CMA1: variants seen among roughly 807,000 people sequenced by gnomAD.
CMA1 encodes chymase 1, also known as chymase.
A neutral mutation model predicts 18.8 loss-of-function variants in CMA1; 24 were observed. The observed-to-expected ratio is 1.28, with a 90% CI of 0.92 to 1.80. The LOEUF (loss-of-function observed/expected upper bound fraction) is 1.80. Among genes scored for constraint, CMA1 ranks in the 40% most tolerant of loss-of-function variants. The pLI is 0.00. For synonymous variants in CMA1, 152 were observed against 117.0 expected, an observed-to-expected ratio of 1.30 and a Z score of -1.93; for missense variants, 421 against 302.8, an observed-to-expected ratio of 1.39 and a Z score of -2.90.
At chr14:24,508,018 G>A (rs2043873585) in intron 1 of CMA1, 160 bp downstream of exon 1, 4 of 641,124 alleles carry the variant, frequency 6.2e-6, no homozygotes, top group East Asian at 2.8e-5. Context: ...GTGGGTGGGG[G>A]TGGGGGTGGG....
Position 24,505,525 on chromosome 14 carries a change from C to T in CMA1, c.735G>A (p.Gln245=), listed in dbSNP as rs764456752. 3.7e-6 allele frequency: 6 copies of T among 1,613,964 alleles called. No homozygotes were observed. The African/African-American group carries it at 8.0e-5, about 22-fold the overall frequency. The change falls in exon 5 of 5, where the codon CAG becomes CAA. Residue 245 remains glutamine (Q), a synonymous_variant. Transcript: ENST00000250378. ...HYRPWINQIL[Q]AN ...GGCTCAGGATCCAGGATTAATTTGC[C>T]TGCAGGATCTGGTTGATCCAGGGCC...
At position 24,508,182 on chromosome 14, in the gene CMA1, T is replaced by C; in HGVS notation, c.54A>G (p.Glu18=). The part of the protein sequence containing the change: ...LLLFLLCSRA[E]AGEIIGGTEC... ...GGGAAGAACCCTGATACTCACCAGC[T>C]TCAGCTCTGGAGCACAAGAGAAAGA... is the stretch of plus-strand genomic sequence containing the variant. Residue 18 remains glutamate, a synonymous_variant, in exon 1 of 5, where the codon GAA becomes GAG. Transcript: ENST00000250378. 6.2e-7 allele frequency: 1 copy of C among 1,613,722 alleles called. No homozygotes were observed. The highest frequency in any genetic ancestry group is 1.1e-5 in the South Asian group (1 of 90,968).
In CMA1 at chr14:24,507,349, G is replaced by A; in HGVS notation, c.209+7C>T. The A allele has an allele frequency of 6.2e-7, 1 of 1,614,034 alleles. No individual in the cohort carries two copies. ...CATTTGGAGATAAATAGACCCTGTTGTCTCACCTTCCTGCACAATGAGCAG... is the reference window on the plus strand; with the variant it reads ...CATTTGGAGATAAATAGACCCTGTTATCTCACCTTCCTGCACAATGAGCAG... On this transcript the variant is annotated splice_region_variant and intron_variant, in intron 2 of 4. Transcript: ENST00000250378.
chr14:24,506,534 T>A lies in CMA1; in HGVS notation c.280A>T (p.Ile94Leu). The A allele has an allele frequency of 3.7e-6, 6 of 1,614,172 alleles. No homozygotes were observed. The highest frequency in any genetic ancestry group is 5.1e-6 in the Non-Finnish European group (6 of 1,179,988). The stretch of plus-strand genomic sequence containing the variant: ...TATTTTGGATGACGGAATTGCTTTA[T>A]AACCTCAAGCTTCTGCCATGTGTCT... ...EEDTWQKLEV[I>L]KQFRHPKYNT... The change falls in exon 3 of 5, where the codon ATA becomes TTA. Residue 94 changes from isoleucine to leucine, a missense_variant. Transcript: ENST00000250378.
At chr14:24,507,262 G>A (rs1594787163) in intron 2 of CMA1, 94 bp downstream of exon 2, 2 of 1,451,068 alleles carry the variant, frequency 1.4e-6, no homozygotes, top group East Asian at 4.6e-5. Context: ...CAAGACCCAG[G>A]ACCCCCTCTT....
At position 24,506,132 on chromosome 14, in the gene CMA1, T is replaced by C. The variant is rs370354279; in HGVS notation, c.496A>G (p.Lys166Glu). The C allele has an allele frequency of 1.9e-6, 3 of 1,614,070 alleles. No homozygotes were observed. Among genetic ancestry groups the C allele is most frequent in the Middle Eastern group, 3.3e-4 (2 of 6,084 alleles). ...GCCTGGGGATCCATGAGTCTCAGCT[T>C]CACCTCTTGCAGAGTGTCTGAGCCC... ...KPGSDTLQEV[K>E]LRLMDPQACS... Residue 166 changes from lysine to glutamate, a missense_variant, in exon 4 of 5, where the codon AAG (lysine) becomes GAG (glutamate). Physicochemically the swap from Lys to Glu is moderately conservative, Grantham distance 56. Transcript: ENST00000250378.
chr14:24,507,425 G>A lies in CMA1; in HGVS notation c.140C>T (p.Pro47Leu). 3 of 1,614,138 alleles carry A rather than the reference G, an allele frequency of 1.9e-6. No homozygotes were observed. Among genetic ancestry groups the A allele is most frequent in the Non-Finnish European group, 2.5e-6 (3 of 1,180,020 alleles). ...AAGGAAACCACCACAAAATTTTGAGGGACCGTTGGAAGTTACAATTTCCAG... is the reference window on the plus strand; with the variant it reads ...AAGGAAACCACCACAAAATTTTGAGAGACCGTTGGAAGTTACAATTTCCAG... ...AYLEIVTSNG[P>L]SKFCGGFLIR... The change falls in exon 2 of 5, where the codon CCC becomes CTC. Residue 47 changes from proline to leucine, a missense_variant. Transcript: ENST00000250378.
rs748016473 is a variant in CMA1 at position 24,505,543 on chromosome 14, C to A, written c.717G>T (p.Trp239Cys). ...VFTRISHYRPWINQILQAN is the reference protein window; with the variant it reads ...VFTRISHYRPCINQILQAN Reference sequence around the variant, plus strand: ...AATTTGCCTGCAGGATCTGGTTGATCCAGGGCCGGTAATGGGAGATTCGGG... The same window carrying A: ...AATTTGCCTGCAGGATCTGGTTGATACAGGGCCGGTAATGGGAGATTCGGG... The change falls in exon 5 of 5, where the codon TGG (tryptophan) becomes TGT (cysteine). Residue 239 changes from tryptophan to cysteine, a missense_variant. Trp to Cys is a radical substitution (Grantham distance 215). Coordinates refer to ENST00000250378, the MANE Select transcript of CMA1 (RefSeq NM_001836.5). 1.2e-6 allele frequency: 2 copies of A among 1,614,108 alleles called. No homozygotes were observed. Among genetic ancestry groups the A allele is most frequent in the African/African-American group, 1.3e-5 (1 of 75,022 alleles).
Position 24,507,515 on chromosome 14 carries a change from G to C in CMA1, c.59-9C>G. 2 of 1,610,918 alleles carry C rather than the reference G, an allele frequency of 1.2e-6. No homozygotes were observed. Among genetic ancestry groups the C allele is most frequent in the South Asian group, 2.2e-5 (2 of 90,414 alleles). On this transcript the variant is annotated splice_polypyrimidine_tract_variant and intron_variant, in intron 1 of 4. Transcript: ENST00000250378. ...GCCCCCGATGATCTCCCCTGGAACA[G>C]AGCACCCCAGGGTTTGAACACGGCC... is the stretch of plus-strand genomic sequence containing the variant.
intron 4 of CMA1, among the ~76,000 whole-genome samples, 159 bp from the exon 5 acceptor site, chr14:24,505,818 A>G (rs1483210051): frequency 6.6e-6 from 1 of 152,080 alleles, no homozygotes; most frequent in East Asian, 1.9e-4. Flanking sequence ...CTTTCTTGGG[A>G]CCGTCATCCA....
At chr14:24,506,960 C>T (rs546602927) in intron 2 of CMA1, among the ~76,000 whole-genome samples, 1 of 152,100 alleles carries the variant, frequency 6.6e-6, no homozygotes, top group Admixed American at 6.6e-5. Context: ...TCATGTAGAC[C>T]CTGTTCTCTG....
In CMA1 at chr14:24,505,357, T is replaced by C. The variant is rs1407839275; in HGVS notation, c.*159A>G. ...CACACACTCACGACTAGAAGCTGTG[T>C]CTTCACTGAGGTTTATTGAGAGTTC... On this transcript the variant is annotated 3_prime_UTR_variant, in exon 5 of 5. Transcript: ENST00000250378. 1.2e-6 allele frequency: 1 copy of C among 855,122 alleles called. No homozygotes were observed. Among genetic ancestry groups the C allele is most frequent in the Non-Finnish European group, 1.9e-6 (1 of 536,854 alleles). 53.0% of individuals were successfully genotyped at this position (855,122 alleles called of 1,614,324 possible). A position where few individuals can be genotyped will look rare whatever the true frequency, so the allele number is the denominator to read the frequency against.
chr14:24,505,488 C>T lies in CMA1; in HGVS notation c.*28G>A, dbSNP rs991927118. On this transcript the variant is annotated 3_prime_UTR_variant, in exon 5 of 5. Transcript: ENST00000250378. ...TGCTGCTCAGGTCCAGTTCCAGCTT[C>T]CCTTTCAGGCTGGCTCAGGATCCAG... 3.7e-6 allele frequency: 6 copies of T among 1,613,792 alleles called. No individual in the cohort carries two copies. In the Admixed American group the frequency reaches 6.7e-5, roughly 18 times the overall value.
chr14:24,505,953 G>T, intron 4 of CMA1, 75 bp downstream of exon 4: 2 of 1,558,822 alleles, frequency 1.3e-6, no homozygotes, highest in South Asian at 1.2e-5. Flanking sequence ...ACAACCTTCT[G>T]ACCCCATCTC....
At position 24,505,465 on chromosome 14, in the gene CMA1, C is replaced by T. The variant is rs1315759272; in HGVS notation, c.*51G>A. ...ACCAGAATGAGTGGCACACACTTTG[C>T]TGCTCAGGTCCAGTTCCAGCTTCCC... On this transcript the variant is annotated 3_prime_UTR_variant, in exon 5 of 5. Coordinates refer to ENST00000250378, the MANE Select transcript of CMA1 (RefSeq NM_001836.5). 6.2e-7 allele frequency: 1 copy of T among 1,612,236 alleles called. No homozygotes were observed. The highest frequency in any genetic ancestry group is 1.7e-5 in the Admixed American group (1 of 60,000).
In CMA1 at chr14:24,507,429, C is replaced by A. The variant is rs5246; in HGVS notation, c.136G>T (p.Gly46Cys). 1.1e-5 allele frequency: 18 copies of A among 1,614,042 alleles called. No individual in the cohort carries two copies. The East Asian group carries it at 2.9e-4, about 26-fold the overall frequency. Reference protein sequence around the residue: ...MAYLEIVTSNGPSKFCGGFLI... With the variant: ...MAYLEIVTSNCPSKFCGGFLI... ...AAACCACCACAAAATTTTGAGGGAC[C>A]GTTGGAAGTTACAATTTCCAGGTAG... The change falls in exon 2 of 5, where the codon GGT (glycine) becomes TGT (cysteine). Residue 46 changes from glycine to cysteine, a missense_variant. Gly to Cys is a radical substitution (Grantham distance 159, BLOSUM62 -3). Transcript: ENST00000250378.
Position 24,506,104 on chromosome 14 carries a change from C to A in CMA1, c.524G>T (p.Cys175Phe), listed in dbSNP as rs761749471. The A allele has an allele frequency of 1.2e-6, 2 of 1,614,040 alleles. No homozygotes were observed. Among genetic ancestry groups the A allele is most frequent in the East Asian group, 2.2e-5 (1 of 44,894 alleles). The change falls in exon 4 of 5, where the codon TGC becomes TTC. Residue 175 changes from cysteine (C) to phenylalanine (F), a missense_variant. Coordinates refer to ENST00000250378, the MANE Select transcript of CMA1 (RefSeq NM_001836.5). ...GTGGTCAAAGTCTCTGAAGTGGCTG[C>A]AGGCCTGGGGATCCATGAGTCTCAG... is the stretch of plus-strand genomic sequence containing the variant. The part of the protein sequence containing the change: ...VKLRLMDPQA[C>F]SHFRDFDHNL...
At position 24,507,452 on chromosome 14, in the gene CMA1, T is replaced by C. The variant is rs763060029; in HGVS notation, c.113A>G (p.Tyr38Cys). Residue 38 changes from tyrosine (Y) to cysteine (C), a missense_variant, in exon 2 of 5, where the codon TAC becomes TGC. Coordinates refer to ENST00000250378, the MANE Select transcript of CMA1 (RefSeq NM_001836.5). Reference sequence around the variant, plus strand: ...ACCGTTGGAAGTTACAATTTCCAGGTAGGCCATGTAGGGGCGGGAATGTGG... The same window carrying C: ...ACCGTTGGAAGTTACAATTTCCAGGCAGGCCATGTAGGGGCGGGAATGTGG... The part of the protein sequence containing the change: ...CKPHSRPYMA[Y>C]LEIVTSNGPS... The C allele has an allele frequency of 6.2e-7, 1 of 1,614,188 alleles. No homozygotes were observed. The highest frequency in any genetic ancestry group is 1.1e-5 in the South Asian group (1 of 91,082).
intron 4 of CMA1, 95 bp from the exon 5 acceptor site, chr14:24,505,754 G>A (rs769649841): frequency 7.7e-4 from 1,125 of 1,467,430 alleles, no homozygotes; most frequent in Non-Finnish European, 9.6e-4. Flanking sequence ...CCTAAAGTCA[G>A]ACGCAGGAGG....
Sources: gnomAD v4.1 joint callset for allele counts (sites outside exome capture counted in the v4.1 genomes callset) on GRCh38, gnomAD v4.1.1 for gene constraint, MANE v1.5 for transcripts, NCBI Gene and HGNC (gene_info 2026-07-23, HGNC 2026-07-21) for gene names.